Variants in HDAC9 observed in about 807,000 individuals in gnomAD.
HDAC9 encodes the protein MEF-2 interacting transcription repressor (MITR) protein.
A neutral mutation model predicts 139.4 loss-of-function variants in HDAC9; 41 were observed. That is an observed-to-expected ratio of 0.29 (90% CI 0.23 to 0.38). HDAC9 has a LOEUF of 0.38. Among genes scored for constraint, HDAC9 ranks in the 10% least tolerant of loss-of-function variants. The pLI is 1.00. For synonymous variants in HDAC9, 517 were observed against 476.2 expected (o/e 1.09, Z -1.12); for missense variants, 1,147 against 1,297.0 (o/e 0.88, Z 1.78).
intron 1 of HDAC9, among the ~76,000 whole-genome samples, chr7:18,107,129 G>A (rs1259342953): frequency 6.6e-6 from 1 of 152,120 alleles, no homozygotes; most frequent in East Asian, 1.9e-4. Context: ...ATCTGGCTTT[G>A]CTGCCCCCTC....
At chr7:18,647,671 G>A in intron 9 of HDAC9, 114 bp from the exon 10 acceptor site, 1 of 820,718 alleles carries the variant, frequency 1.2e-6, no homozygotes, top group Non-Finnish European at 1.9e-6. Flanking sequence ...CATTGGGTAA[G>A]ATGGGGCTTT....
At chr7:18,621,369 G>A (rs542609178) in intron 6 of HDAC9, among the ~76,000 whole-genome samples, 65 of 151,936 alleles carry the variant, frequency 4.3e-4, no homozygotes, top group Non-Finnish European at 7.8e-4. Flanking sequence ...ATAATCGGAA[G>A]CAAGCAATAA....
chr7:18,391,537 G>A (rs1290764510), intron 1 of HDAC9, among the ~76,000 whole-genome samples: 7 of 152,148 alleles, frequency 4.6e-5, no homozygotes, highest in African/African-American at 1.4e-4. Context: ...ACCTTGCATA[G>A]CCTTCACCAA....
chr7:18,845,992 G>A (rs931050631), intron 21 of HDAC9, among the ~76,000 whole-genome samples: 4 of 152,264 alleles, frequency 2.6e-5, no homozygotes, highest in Admixed American at 6.5e-5. Context: ...AAGGGCCGTA[G>A]TGGGCTTCCT....
chr7:18,201,226 T>G (rs1036792837), intron 2 of HDAC9, among the ~76,000 whole-genome samples: 1 of 152,188 alleles, frequency 6.6e-6, no homozygotes, highest in African/African-American at 2.4e-5. Flanking sequence ...CCTTAAAGCT[T>G]TTTAAATGTA....
At chr7:18,241,969 A>G (rs1414368416) in intron 2 of HDAC9, among the ~76,000 whole-genome samples, 1 of 152,202 alleles carries the variant, frequency 6.6e-6, no homozygotes, top group Non-Finnish European at 1.5e-5. Flanking sequence ...CAGGGATTTT[A>G]GCAAACCTTT....
chr7:18,403,019 T>C (rs550174332), intron 1 of HDAC9, among the ~76,000 whole-genome samples: 40 of 152,310 alleles, frequency 2.6e-4, no homozygotes, highest in African/African-American at 9.1e-4. Context: ...AGTCCCTTGC[T>C]TGATAGTAAA....
At chr7:18,167,224 C>T (rs1306816002) in intron 2 of HDAC9, among the ~76,000 whole-genome samples, 2 of 150,276 alleles carry the variant, frequency 1.3e-5, no homozygotes, top group African/African-American at 4.9e-5. Context: ...TTTAACTTCA[C>T]AGTTAAGTGA....
chr7:18,678,418 C>T (rs1415045348), intron 12 of HDAC9, among the ~76,000 whole-genome samples: 1 of 151,666 alleles, frequency 6.6e-6, no homozygotes, highest in Non-Finnish European at 1.5e-5. Context: ...ATTTTTCCTG[C>T]TAATTATTTT....
intron 1 of HDAC9, among the ~76,000 whole-genome samples, chr7:18,135,514 C>A (rs1785336210): frequency 7.5e-6 from 1 of 132,698 alleles, no homozygotes; most frequent in Non-Finnish European, 1.6e-5. Flanking sequence ...CATGTGATCT[C>A]ATTGTTCAAT....
chr7:18,892,417 G>C (rs971934477), intron 22 of HDAC9: 2 of 152,004 alleles, frequency 1.3e-5, no homozygotes, highest in Admixed American at 6.6e-5. Flanking sequence ...GATAAGAAAG[G>C]GTCAAATTTA....
intron 1 of HDAC9, among the ~76,000 whole-genome samples, chr7:18,356,975 G>T (rs1783360876): frequency 6.6e-6 from 1 of 152,042 alleles, no homozygotes; most frequent in African/African-American, 2.4e-5. Flanking sequence ...GGGTTGGAAA[G>T]GTAAATTAAC....
At chr7:18,444,606 T>G (rs1374737467) in intron 1 of HDAC9, among the ~76,000 whole-genome samples, 1 of 151,798 alleles carries the variant, frequency 6.6e-6, no homozygotes, top group Non-Finnish European at 1.5e-5. Flanking sequence ...TACAAAGGAG[T>G]CTCATTATTT....
At chr7:18,971,388 T>C (rs892496225) in intron 24 of HDAC9, among the ~76,000 whole-genome samples, 4 of 152,212 alleles carry the variant, frequency 2.6e-5, no homozygotes, top group Non-Finnish European at 4.4e-5. Flanking sequence ...TGTGGCTCAT[T>C]ACTAATATTT....
At chr7:18,871,070 T>C (rs56312627) in intron 21 of HDAC9, among the ~76,000 whole-genome samples, 5,947 of 152,292 alleles carry the variant, frequency 0.039, 394 homozygotes, top group African/African-American at 0.13. Flanking sequence ...TATTAGATGA[T>C]ATTTTTCTGT....
At chr7:18,679,503 TTTC>T (rs1275419636) in intron 12 of HDAC9, among the ~76,000 whole-genome samples, 3 of 151,664 alleles carry the variant, frequency 2.0e-5, no homozygotes, top group African/African-American at 2.4e-5. Flanking sequence ...TTTTCTTTTC[TTTC>T]TTTTCTTTCC....
intron 1 of HDAC9, among the ~76,000 whole-genome samples, chr7:18,348,106 A>G (rs1355099149): frequency 6.6e-6 from 1 of 152,314 alleles, no homozygotes; most frequent in East Asian, 1.9e-4. Context: ...GGTTTAAAAT[A>G]TCAGTTTCTA....
intron 12 of HDAC9, among the ~76,000 whole-genome samples, chr7:18,681,812 C>T (rs9632592): frequency 0.025 from 3,742 of 152,076 alleles, 164 homozygotes; most frequent in African/African-American, 0.085. Flanking sequence ...GCCAAGATAT[C>T]GCCCCACCCT....
chr7:18,163,162 G>A (rs1787768109), intron 2 of HDAC9, among the ~76,000 whole-genome samples: 1 of 152,166 alleles, frequency 6.6e-6, no homozygotes, highest in African/African-American at 2.4e-5. Flanking sequence ...AACTTGCCAA[G>A]ATTTTCATTC....
Sources: gnomAD v4.1 joint callset for allele counts (sites outside exome capture counted in the v4.1 genomes callset) on GRCh38, gnomAD v4.1.1 for gene constraint, MANE v1.5 for transcripts, NCBI Gene and HGNC (gene_info 2026-07-23, HGNC 2026-07-21) for gene names.